The following ROPN1 variants were observed in gnomAD, a reference collection of about 807,000 sequenced individuals.
The protein encoded by ROPN1 is rhophilin associated tail protein 1.
Under a neutral mutation model 20.5 loss-of-function variants are expected in ROPN1, and 14 were observed. The ratio of observed to expected loss-of-function variants is 0.68; its 90% CI spans 0.45 to 1.07. ROPN1 has a LOEUF of 1.07. Ranked by LOEUF, ROPN1 falls within the 50% of genes least tolerant of loss-of-function variation. ROPN1 has a pLI of 0.00. For missense variants in ROPN1, 169 were observed against 242.8 expected (o/e 0.70, Z 2.02); for synonymous variants, 76 against 95.7 (o/e 0.79, Z 1.20).
chr3:123,982,795 G>A (rs1053631644), intron 1 of ROPN1, among the ~76,000 whole-genome samples: 1 of 152,050 alleles, frequency 6.6e-6, no homozygotes, highest in African/African-American at 2.4e-5. Flanking sequence ...ACATTGTTGT[G>A]CCACAATCAC....
chr3:123,974,780 T>A (rs2037986565), intron 4 of ROPN1: 1 of 163,444 alleles, frequency 6.1e-6, no homozygotes, highest in African/African-American at 2.4e-5. Flanking sequence ...ATAAGCTGAT[T>A]TCAGCATCTT....
At chr3:123,970,021 A>G in intron 5 of ROPN1, 21 bp downstream of exon 5, 1 of 1,609,888 alleles carries the variant, frequency 6.2e-7, no homozygotes, top group South Asian at 1.1e-5. Context: ...TTTCACCTCC[A>G]CTTGACAAAA....
chr3:123,969,593 G>A (rs1243340117), intron 5 of ROPN1, among the ~76,000 whole-genome samples: 1 of 152,178 alleles, frequency 6.6e-6, no homozygotes, highest in Non-Finnish European at 1.5e-5. Context: ...GGTGTGAGCC[G>A]CCATGACCGG....
At chr3:123,974,771 T>C (rs1283126874) in intron 4 of ROPN1, 1 of 162,908 alleles carries the variant, frequency 6.1e-6, no homozygotes, top group African/African-American at 2.4e-5. Flanking sequence ...TCTATACATA[T>C]AAGCTGATTT....
chr3:123,980,030 A>G, intron 2 of ROPN1: 1 of 499,668 alleles, frequency 2.0e-6, no homozygotes, highest in South Asian at 3.7e-5. Flanking sequence ...CCTTCTTTCC[A>G]CCGGGAGTGG....
intron 1 of ROPN1, among the ~76,000 whole-genome samples, chr3:123,987,127 A>G (rs1266975348): frequency 6.6e-6 from 1 of 152,242 alleles, no homozygotes; most frequent in Admixed American, 6.5e-5. Context: ...TCTGGGGTCC[A>G]CATCAGCTGG....
chr3:123,974,635 A>G (rs1018165512), intron 4 of ROPN1: 3 of 152,536 alleles, frequency 2.0e-5, no homozygotes, highest in Admixed American at 6.5e-5. Context: ...TTATTTTCTC[A>G]ATAATTTTCA....
intron 4 of ROPN1, among the ~76,000 whole-genome samples, chr3:123,971,486 C>G (rs2037918017): frequency 1.3e-5 from 2 of 152,122 alleles, no homozygotes; most frequent in African/African-American, 4.8e-5. Context: ...TGAGGCAGGC[C>G]ACCTTCCTTT....
At chr3:123,980,307 A>G (rs1463016160) in intron 2 of ROPN1, 59 bp downstream of exon 2, 5 of 1,563,262 alleles carry the variant, frequency 3.2e-6, no homozygotes, top group Non-Finnish European at 4.4e-6. Context: ...CCGCGGTTTT[A>G]CAGGACCCTC....
chr3:123,974,416 C>G (rs1207151722), intron 4 of ROPN1: 1 of 152,172 alleles, frequency 6.6e-6, no homozygotes, highest in Non-Finnish European at 1.5e-5. Flanking sequence ...CAAATGTCCT[C>G]TTGTTTACTT....
intron 1 of ROPN1, among the ~76,000 whole-genome samples, chr3:123,985,459 AC>A (rs1482320935): frequency 6.6e-6 from 1 of 152,164 alleles, no homozygotes; most frequent in Non-Finnish European, 1.5e-5. Flanking sequence ...CTTCATCATC[AC>A]CATCACCATC....
intron 1 of ROPN1, among the ~76,000 whole-genome samples, chr3:123,983,075 C>A (rs981789478): frequency 6.6e-6 from 1 of 152,164 alleles, no homozygotes; most frequent in Non-Finnish European, 1.5e-5. Context: ...ATGTGTTACC[C>A]ATTGCACCAC....
chr3:123,980,204 A>T, intron 2 of ROPN1, 162 bp downstream of exon 2: 2 of 675,326 alleles, frequency 3.0e-6, no homozygotes, highest in Non-Finnish European at 5.2e-6. Context: ...TGTAGCATTT[A>T]TGTGTGGATT....
At chr3:123,972,255 A>T (rs1249271217) in intron 4 of ROPN1, among the ~76,000 whole-genome samples, 1 of 152,228 alleles carries the variant, frequency 6.6e-6, no homozygotes, top group Non-Finnish European at 1.5e-5. Context: ...ATTTTTAAAG[A>T]TTTAATAAAT....
intron 2 of ROPN1, among the ~76,000 whole-genome samples, chr3:123,977,926 C>A (rs1223997681): frequency 6.6e-6 from 1 of 152,162 alleles, no homozygotes; most frequent in Non-Finnish European, 1.5e-5. Flanking sequence ...ACATGTGGGT[C>A]ACCAATGCAG....
At chr3:123,990,607 A>C (rs1186679450) in intron 1 of ROPN1, among the ~76,000 whole-genome samples, 1 of 152,240 alleles carries the variant, frequency 6.6e-6, no homozygotes, top group Non-Finnish European at 1.5e-5. Flanking sequence ...AAGAAGTGGG[A>C]GAAAGGTCCA....
intron 1 of ROPN1, chr3:123,980,778 T>C (rs1405826565): frequency 1.3e-5 from 4 of 316,550 alleles, no homozygotes; most frequent in African/African-American, 8.4e-5. Flanking sequence ...CCCAAAATAA[T>C]GATATCACCC....
intron 1 of ROPN1, among the ~76,000 whole-genome samples, chr3:123,986,419 C>G (rs566004403): frequency 6.6e-6 from 1 of 152,002 alleles, no homozygotes; most frequent in Non-Finnish European, 1.5e-5. Flanking sequence ...AGCAGGGGTC[C>G]CTGATGGAGA....
intron 4 of ROPN1, among the ~76,000 whole-genome samples, chr3:123,974,104 AATTT>A (rs1357053458): frequency 6.6e-6 from 1 of 152,126 alleles, no homozygotes; most frequent in African/African-American, 2.4e-5. Flanking sequence ...GATTGGATTG[AATTT>A]ATTTATTTTC....
Sources: gnomAD v4.1 joint callset for allele counts (sites outside exome capture counted in the v4.1 genomes callset) on GRCh38, gnomAD v4.1.1 for gene constraint, MANE v1.5 for transcripts, NCBI Gene and HGNC (gene_info 2026-07-23, HGNC 2026-07-21) for gene names.